ZSCAN18: variants seen among roughly 807,000 people sequenced by gnomAD.
ZSCAN18 encodes zinc finger and SCAN domain-containing protein 18.
In ZSCAN18, 16 loss-of-function variants were observed where a neutral mutation model predicts 31.1. The ratio of observed to expected loss-of-function variants is 0.51; its 90% confidence interval spans 0.35 to 0.78. The LOEUF (loss-of-function observed/expected upper bound fraction) is 0.78. ZSCAN18 is among the 30% of genes least tolerant of loss of function. The pLI is 0.01. For synonymous variants in ZSCAN18, 375 were observed against 320.7 expected (o/e 1.17, Z -1.81); for missense variants, 731 against 697.4 (o/e 1.05, Z -0.54).
intron 1 of ZSCAN18, among the ~76,000 whole-genome samples, chr19:58,107,121 G>A (rs1056419209): frequency 6.6e-5 from 10 of 152,070 alleles, no homozygotes; most frequent in African/African-American, 2.4e-4. Context: ...GATCTATGAT[G>A]GGCTGCAGAA....
intron 1 of ZSCAN18, among the ~76,000 whole-genome samples, chr19:58,117,663 A>C (rs1353621610): frequency 6.6e-6 from 1 of 151,750 alleles, no homozygotes; most frequent in African/African-American, 2.4e-5. Flanking sequence ...CCTGTGCAGG[A>C]AGAGAGGAGG....
chr19:58,085,014 C>T lies in ZSCAN18; in HGVS notation c.1204G>A (p.Ala402Thr), dbSNP rs200085530. Residue 402 changes from alanine (A) to threonine (T), a missense_variant, in exon 7 of 7, where the codon GCT becomes ACT. Around this residue, in one of 4 missense-constraint regions of ZSCAN18, gnomAD observed 597 missense variants for 499.5 expected, o/e 1.20. Transcript: ENST00000601144. The part of the protein sequence containing the change: ...AGLEAGQGPG[A>T]DEPGLSRGKP... The stretch of plus-strand genomic sequence containing the variant: ...CCGCGGGACAAGCCCGGCTCGTCAG[C>T]CCCAGGGCCCTGCCCGGCCTCCAGC... 5.0e-5 allele frequency: 80 copies of T among 1,590,342 alleles called. No homozygotes were observed. In the African/African-American group the frequency reaches 9.4e-4, roughly 19 times the overall value.
chr19:58,118,390 T>C, exon 1 of ZSCAN18: 1 of 1,524,176 alleles, frequency 6.6e-7, no homozygotes, highest in South Asian at 1.2e-5. Flanking sequence ...CCTCCGACTC[T>C]CCGCATGGGC....
chr19:58,112,582 C>G (rs911645751), intron 1 of ZSCAN18, among the ~76,000 whole-genome samples: 1 of 150,566 alleles, frequency 6.6e-6, no homozygotes, highest in African/African-American at 2.4e-5. Flanking sequence ...ACCCAGGAGG[C>G]GGAGATTGCA....
At chr19:58,111,557 G>T (rs562496966) in intron 1 of ZSCAN18, among the ~76,000 whole-genome samples, 1 of 151,718 alleles carries the variant, frequency 6.6e-6, no homozygotes, top group Non-Finnish European at 1.5e-5. Flanking sequence ...TAGAGACATG[G>T]TCTCACTATG....
chr19:58,092,660 G>C, intron 1 of ZSCAN18: 5 of 982,718 alleles, frequency 5.1e-6, no homozygotes, highest in Non-Finnish European at 6.0e-6. Flanking sequence ...AGTTTAAAGG[G>C]AAGTGCGGAA....
Position 58,085,143 on chromosome 19 carries a change from C to A in ZSCAN18, c.1075G>T (p.Ala359Ser), listed in dbSNP as rs772989137. 1.2e-6 allele frequency: 2 copies of A among 1,610,408 alleles called. No individual in the cohort carries two copies. Among genetic ancestry groups the A allele is most frequent in the Non-Finnish European group, 1.7e-6 (2 of 1,178,896 alleles). ...AGTTTCGCCGTGCCCCTGTCCGGGG[C>A]AGGCTGCTGGATGACGGACTGCCTC... ...SQRQSVIQQP[A>S]PDRGTAKLGT... is the part of the protein sequence containing the mutation. The change falls in exon 7 of 7, where the codon GCC becomes TCC. Residue 359 changes from alanine to serine, a missense_variant. Physicochemically the swap from Ala to Ser is moderately conservative, Grantham distance 99. Coordinates refer to ENST00000601144, the MANE Select transcript of ZSCAN18 (RefSeq NM_001145543.2).
intron 1 of ZSCAN18, among the ~76,000 whole-genome samples, chr19:58,091,885 CCA>C (rs1234895471): frequency 1.3e-5 from 2 of 152,092 alleles, no homozygotes; most frequent in East Asian, 3.9e-4. Context: ...CGCAGCAAGC[CCA>C]GTTTTATAGG....
chr19:58,104,422 G>C (rs1247228371), intron 1 of ZSCAN18, among the ~76,000 whole-genome samples: 5 of 151,346 alleles, frequency 3.3e-5, no homozygotes, highest in Non-Finnish European at 7.4e-5. Flanking sequence ...GTCTGGGCCG[G>C]GTGTGGTGGC....
intron 1 of ZSCAN18, among the ~76,000 whole-genome samples, chr19:58,114,591 T>A (rs112397782): frequency 6.6e-6 from 1 of 152,146 alleles, no homozygotes; most frequent in East Asian, 1.9e-4. Flanking sequence ...CATATATACA[T>A]ACAAAAATAC....
At chr19:58,116,812 G>A (rs1009890191) in intron 1 of ZSCAN18, among the ~76,000 whole-genome samples, 1 of 152,188 alleles carries the variant, frequency 6.6e-6, no homozygotes, top group Non-Finnish European at 1.5e-5. Context: ...TCGTGAGGAG[G>A]CCAGAGGCAC....
chr19:58,091,993 G>T (rs997049068), intron 1 of ZSCAN18, among the ~76,000 whole-genome samples: 9 of 152,198 alleles, frequency 5.9e-5, no homozygotes, highest in African/African-American at 2.2e-4. Flanking sequence ...AATATGGGGC[G>T]CAAAGACCTC....
intron 1 of ZSCAN18, among the ~76,000 whole-genome samples, chr19:58,091,780 C>T (rs2074416170): frequency 6.6e-6 from 1 of 152,178 alleles, no homozygotes; most frequent in Non-Finnish European, 1.5e-5. Flanking sequence ...TGGCTATGGA[C>T]ACACAAGGGT....
chr19:58,098,429 A>G (rs565616061), upstream of ZSCAN18: 3 of 965,886 alleles, frequency 3.1e-6, no homozygotes, highest in Middle Eastern at 5.3e-4. Flanking sequence ...ATGGCAACGA[A>G]GTAAACAAGC....
At chr19:58,116,991 G>A (rs891454029) in intron 1 of ZSCAN18, among the ~76,000 whole-genome samples, 1 of 152,142 alleles carries the variant, frequency 6.6e-6, no homozygotes, top group African/African-American at 2.4e-5. Context: ...AGGTTCAAGC[G>A]ATCCTCCTGC....
In ZSCAN18 at chr19:58,098,185, C is replaced by T. The variant is rs543056842; in HGVS notation, c.-131G>A. The T allele has an allele frequency of 1.0e-6, 1 of 985,572 alleles. No homozygotes were observed. Among genetic ancestry groups the T allele is most frequent in the South Asian group, 4.7e-5 (1 of 21,290 alleles). 61.1% of individuals were successfully genotyped at this position (985,572 alleles called of 1,614,324 possible). On this transcript the variant is annotated 5_prime_UTR_variant, in exon 1 of 7. Coordinates refer to ENST00000601144, the MANE Select transcript of ZSCAN18 (RefSeq NM_001145543.2). ...CGGGACCGACCCACCTGCTGCGCAG[C>T]TACCCCAGGCCGGTCCCAGCCGCCC... is the stretch of plus-strand genomic sequence containing the variant.
At chr19:58,095,749 G>A (rs1599986386) in intron 1 of ZSCAN18, among the ~76,000 whole-genome samples, 2 of 152,266 alleles carry the variant, frequency 1.3e-5, no homozygotes, top group Admixed American at 6.5e-5. Context: ...GGACAGGAAC[G>A]GGAGCTCCTC....
rs2287837 is a variant in ZSCAN18, at chr19:58,087,303, C to T, written c.642+13G>A. The T allele has an allele frequency of 0.24, 382,729 of 1,593,504 alleles. 47,314 individuals are homozygous for T. The highest frequency in any genetic ancestry group is 0.31 in the South Asian group (27,346 of 87,884). On this transcript the variant is annotated intron_variant, in intron 4 of 6. Coordinates refer to ENST00000601144, the MANE Select transcript of ZSCAN18 (RefSeq NM_001145543.2). Reference sequence around the variant, plus strand: ...GGCCAAGGCCCCTCACCCACCTGCTCGTGCCCACCCACCTGCTCGGTGTTG... The same window carrying T: ...GGCCAAGGCCCCTCACCCACCTGCTTGTGCCCACCCACCTGCTCGGTGTTG...
intron 1 of ZSCAN18, among the ~76,000 whole-genome samples, chr19:58,110,789 C>T (rs947499260): frequency 6.6e-6 from 1 of 152,192 alleles, no homozygotes; most frequent in Non-Finnish European, 1.5e-5. Context: ...AAGTGGATGA[C>T]TCACTGAGTC....
Sources: gnomAD v4.1 joint callset for allele counts (sites outside exome capture counted in the v4.1 genomes callset) on GRCh38, gnomAD v4.1.1 for gene constraint, gnomAD v4.1.1 regional missense constraint, MANE v1.5 for transcripts, NCBI Gene and HGNC (gene_info 2026-07-23, HGNC 2026-07-21) for gene names.